Variants in GRIK4 observed in about 807,000 individuals in gnomAD.
The protein encoded by GRIK4 is glutamate ionotropic receptor kainate type subunit 4.
A neutral mutation model predicts 104.9 loss-of-function variants in GRIK4; 40 were observed. The ratio of observed to expected loss-of-function variants is 0.38; its 90% confidence interval spans 0.30 to 0.50. The LOEUF is 0.50. Among genes scored for constraint, GRIK4 ranks in the 20% least tolerant of loss-of-function variants. GRIK4 has a pLI of 0.93. For synonymous variants in GRIK4, 485 were observed against 524.9 expected (o/e 0.92, Z 1.04); for missense variants, 1,047 against 1,308.1 (o/e 0.80, Z 3.08).
At chr11:120,648,828 A>G (rs543255617) in intron 1 of GRIK4, among the ~76,000 whole-genome samples, 93 of 152,276 alleles carry the variant, frequency 6.1e-4, no homozygotes, top group African/African-American at 1.9e-3. Flanking sequence ...ACAAACAAAC[A>G]AACAAACAGA....
intron 6 of GRIK4, among the ~76,000 whole-genome samples, chr11:120,820,496 G>A (rs533601847): frequency 6.6e-6 from 1 of 152,298 alleles, no homozygotes; most frequent in African/African-American, 2.4e-5. Flanking sequence ...GTCAATTTGT[G>A]ACATAAATTT....
At chr11:120,652,430 C>G (rs4570590) in intron 1 of GRIK4, among the ~76,000 whole-genome samples, 85,001 of 151,862 alleles carry the variant, frequency 0.56, 24,872 homozygotes, top group East Asian at 0.7. Flanking sequence ...TGCTGCCCAA[C>G]TGCATTAGGC....
intron 1 of GRIK4, among the ~76,000 whole-genome samples, 173 bp from the exon 2 acceptor site, chr11:120,653,512 G>A (rs1949650541): frequency 6.6e-6 from 1 of 152,108 alleles, no homozygotes; most frequent in African/African-American, 2.4e-5. Context: ...CATGAGCTGC[G>A]GACAGTGAAG....
chr11:120,905,539 G>GGGC lies in GRIK4; in HGVS notation c.1476+46_1476+47insGGC. On this transcript the variant is annotated intron_variant, in intron 13 of 20. Transcript: ENST00000527524. This position sits in a 1 kb window ranked among gnomAD's most constrained non-coding sequence, Gnocchi z 5.1. The stretch of plus-strand genomic sequence containing the variant: ...CTGGGCCTGAGGGTGGGCTGGGAGG[G>GGGC]ATTGGAAGAGCATGAGGTTGTGCTG... The GGGC allele has an allele frequency of 6.0e-6, 3 of 503,044 alleles. No homozygotes were observed. Among genetic ancestry groups the GGGC allele is most frequent in the East Asian group, 5.7e-5 (1 of 17,670 alleles). 31.2% of individuals were successfully genotyped at this position (503,044 alleles called of 1,614,324 possible). A position where few individuals can be genotyped will look rare whatever the true frequency, so the allele number is the denominator to read the frequency against.
At chr11:120,838,539 T>A (rs139700977) in intron 8 of GRIK4, among the ~76,000 whole-genome samples, 1 of 152,178 alleles carries the variant, frequency 6.6e-6, no homozygotes, top group African/African-American at 2.4e-5. Flanking sequence ...GAGGAAATCA[T>A]GATGAAAAGT....
At chr11:120,887,187 A>G (rs994482751) in intron 11 of GRIK4, among the ~76,000 whole-genome samples, 1 of 152,140 alleles carries the variant, frequency 6.6e-6, no homozygotes, top group Admixed American at 6.5e-5. Context: ...CGTTCAGCTC[A>G]GAGAGGGCTG....
rs970107793 is a variant in GRIK4, at chr11:120,986,089, G to C, written c.2700G>C (p.Gln900His). The change falls in exon 21 of 21, where the codon CAG becomes CAC. Residue 900 changes from glutamine (Q) to histidine (H), a missense_variant. By Grantham distance (24) the Gln-to-His change is conservative. This residue lies in a region of GRIK4 where 160 missense variants were observed against 140.9 expected (regional missense o/e 1.14). Transcript: ENST00000527524. The stretch of plus-strand genomic sequence containing the variant: ...TGTGCGGGGCAGGGGAGCCCGACCA[G>C]CTCGCGCAGAGACTGGCGCAGGAGG... ...GKLCGAGEPD[Q>H]LAQRLAQEAA... is the part of the protein sequence containing the mutation. The C allele has an allele frequency of 6.6e-7, 1 of 1,511,734 alleles. No individual in the cohort carries two copies. Among genetic ancestry groups the C allele is most frequent in the Non-Finnish European group, 8.8e-7 (1 of 1,136,470 alleles). The allele number at this position is 1,511,734 out of a possible 1,614,324, so 93.6% of individuals were successfully genotyped here.
At chr11:120,878,448 T>G (rs1954876573) in intron 11 of GRIK4, among the ~76,000 whole-genome samples, 1 of 152,208 alleles carries the variant, frequency 6.6e-6, no homozygotes. Context: ...GATTTTTTTC[T>G]TGACCTCTCC....
intron 4 of GRIK4, among the ~76,000 whole-genome samples, chr11:120,810,637 G>C (rs992444357): frequency 1.3e-5 from 2 of 152,226 alleles, no homozygotes; most frequent in Middle Eastern, 3.4e-3. Context: ...AATAAAAAAG[G>C]ATAGAAAATA....
Position 120,905,051 on chromosome 11 carries a change from C to T in GRIK4, c.1273-239C>T, listed in dbSNP as rs992598564. 5.9e-5 allele frequency among the ~76,000 whole-genome samples: 9 copies of T among 152,274 alleles called. No homozygotes were observed. The highest frequency in any genetic ancestry group is 1.9e-4 in the African/African-American group (8 of 41,560). ...CAAGTTGAAGCAGCTTGAGCCTGAC[C>T]CTCCATGCAGTGGGAACCACTGTGT... is the stretch of plus-strand genomic sequence containing the variant. On this transcript the variant is annotated intron_variant, in intron 12 of 20. Transcript: ENST00000527524. The surrounding 1 kb of genome is among the most constrained non-coding windows in gnomAD (Gnocchi z 5.1).
At chr11:120,531,764 C>T (rs1231077351) in intron 1 of GRIK4, among the ~76,000 whole-genome samples, 2 of 151,942 alleles carry the variant, frequency 1.3e-5, no homozygotes, top group Non-Finnish European at 2.9e-5. Context: ...TTAGTAGAGA[C>T]GGGTTTTCAC....
chr11:120,629,814 G>A (rs965078280), intron 1 of GRIK4, among the ~76,000 whole-genome samples: 1 of 152,190 alleles, frequency 6.6e-6, no homozygotes, highest in Non-Finnish European at 1.5e-5. Context: ...AGAGGGAGCT[G>A]TGATGCCCTC....
intron 3 of GRIK4, among the ~76,000 whole-genome samples, chr11:120,668,140 TA>T (rs1949950551): frequency 6.6e-6 from 1 of 151,598 alleles, no homozygotes; most frequent in South Asian, 2.1e-4. Flanking sequence ...GATAGATAGA[TA>T]GATAGATAAG....
intron 3 of GRIK4, among the ~76,000 whole-genome samples, chr11:120,688,229 A>G (rs981775346): frequency 6.6e-6 from 1 of 152,162 alleles, no homozygotes; most frequent in African/African-American, 2.4e-5. Context: ...CAGCAGGTCA[A>G]TGGTGCCTTG....
intron 19 of GRIK4, among the ~76,000 whole-genome samples, chr11:120,974,927 A>T (rs1944536584): frequency 6.6e-6 from 1 of 152,272 alleles, no homozygotes; most frequent in Admixed American, 6.5e-5. Context: ...TAAAAAGAAA[A>T]TATCGCTAGC....
At chr11:120,834,946 C>T (rs1191726415) in intron 7 of GRIK4, among the ~76,000 whole-genome samples, 1 of 152,220 alleles carries the variant, frequency 6.6e-6, no homozygotes, top group East Asian at 1.9e-4. Context: ...TCCGTCTAGG[C>T]AGGGGTGAGA....
At chr11:120,565,787 A>G (rs1309121237) in intron 1 of GRIK4, among the ~76,000 whole-genome samples, 1 of 152,154 alleles carries the variant, frequency 6.6e-6, no homozygotes, top group East Asian at 1.9e-4. Flanking sequence ...TATAATTCAG[A>G]GGTAATACCT....
Position 120,643,492 on chromosome 11 carries a change from A to G in GRIK4, c.-158-10193A>G, listed in dbSNP as rs184400264. 1.5e-4 allele frequency among the ~76,000 whole-genome samples: 23 copies of G among 152,332 alleles called. No homozygotes were observed. In the East Asian group the frequency reaches 3.7e-3, roughly 24 times the overall value. Reference sequence around the variant, plus strand: ...ACAATGCCTGGAGCATAGCAGGCCCACCGCTGATATTGGGGGTTGGTGTAC... The same window carrying G: ...ACAATGCCTGGAGCATAGCAGGCCCGCCGCTGATATTGGGGGTTGGTGTAC... On this transcript the variant is annotated intron_variant, in intron 1 of 20. Coordinates refer to ENST00000527524, the MANE Select transcript of GRIK4 (RefSeq NM_014619.5).
intron 1 of GRIK4, among the ~76,000 whole-genome samples, chr11:120,540,062 CAAG>C (rs1948016842): frequency 6.6e-6 from 1 of 152,020 alleles, no homozygotes; most frequent in Admixed American, 6.6e-5. Flanking sequence ...ATATAAATGA[CAAG>C]AAAGGTGCTC....
Sources: allele counts gnomAD v4.1 joint callset (sites outside exome capture counted in the v4.1 genomes callset), GRCh38; gene constraint gnomAD v4.1.1; regional missense constraint gnomAD v4.1.1; non-coding constraint Gnocchi (gnomAD v3.1); transcripts MANE v1.5; gene names NCBI Gene and HGNC (gene_info 2026-07-23, HGNC 2026-07-21).